FOXN3: variants seen among roughly 807,000 people sequenced by gnomAD.
FOXN3 encodes the protein forkhead box N3.
Under a neutral mutation model 38.4 loss-of-function variants are expected in FOXN3, and 7 were observed. The observed-to-expected ratio is 0.18, with a 90% CI of 0.10 to 0.34. FOXN3 has a LOEUF of 0.34. FOXN3 is among the 10% of genes least tolerant of loss of function. The probability of loss-of-function intolerance (pLI) is 1.00; values close to 1 mark genes in which losing one functional copy is unlikely to be tolerated. For synonymous variants in FOXN3, 230 were observed against 242.2 expected (o/e 0.95, Z 0.47); for missense variants, 456 against 613.4 (o/e 0.74, Z 2.71).
chr14:89,211,194 C>G (rs1243399501), intron 4 of FOXN3, among the ~76,000 whole-genome samples: 1 of 152,230 alleles, frequency 6.6e-6, no homozygotes, highest in Non-Finnish European at 1.5e-5. Context: ...CTGGAGGGAC[C>G]TGAGCCCAGA....
intron 1 of FOXN3, among the ~76,000 whole-genome samples, chr14:89,467,499 G>A (rs115228745): frequency 0.015 from 2,222 of 150,624 alleles, 61 homozygotes; most frequent in African/African-American, 0.048. Context: ...CCTAATCCCC[G>A]ACATAAACGG....
chr14:89,565,819 G>A (rs1379850261), intron 1 of FOXN3, among the ~76,000 whole-genome samples: 1 of 152,204 alleles, frequency 6.6e-6, no homozygotes, highest in African/African-American at 2.4e-5. Flanking sequence ...CTGGCCTGCA[G>A]CCCTCATGCC....
In FOXN3 at chr14:89,271,184, AT is replaced by A. The variant is rs561370720; in HGVS notation, c.745+9765del. 1.1e-3 allele frequency among the ~76,000 whole-genome samples: 168 copies of A among 152,358 alleles called. 1 individual carries two copies. Among genetic ancestry groups the A allele is most frequent in the Non-Finnish European group, 1.4e-3 (98 of 68,036 alleles). ...ACCCCTTGCAGTTTATAGGTGGATG[AT>A]TTTAAGTCCACGTCTGAAACTGTCA... On this transcript the variant is annotated intron_variant, in intron 4 of 5. Coordinates refer to ENST00000557258, the MANE Select transcript of FOXN3 (RefSeq NM_005197.4).
intron 1 of FOXN3, among the ~76,000 whole-genome samples, chr14:89,600,902 T>C (rs1896141037): frequency 6.6e-6 from 1 of 152,234 alleles, no homozygotes; most frequent in African/African-American, 2.4e-5. Context: ...CATATTCCCT[T>C]TTCTATTTTA....
chr14:89,246,698 C>T (rs1202455089), intron 4 of FOXN3, among the ~76,000 whole-genome samples: 1 of 151,986 alleles, frequency 6.6e-6, no homozygotes, highest in African/African-American at 2.4e-5. Flanking sequence ...GCCACCACGC[C>T]TGGCTAATTT....
chr14:89,459,200 T>C (rs1892789255), intron 1 of FOXN3, among the ~76,000 whole-genome samples: 1 of 152,128 alleles, frequency 6.6e-6, no homozygotes, highest in Non-Finnish European at 1.5e-5. Context: ...AACAGGGCCA[T>C]TTTAAATGAC....
chr14:89,352,497 A>T (rs1264182183), intron 2 of FOXN3, among the ~76,000 whole-genome samples: 4 of 152,124 alleles, frequency 2.6e-5, no homozygotes, highest in Admixed American at 6.6e-5. Flanking sequence ...CAAACCACCA[A>T]ATCCTGTCAA....
chr14:89,204,060 C>CTT (rs1888310436), intron 4 of FOXN3, among the ~76,000 whole-genome samples: 1 of 47,932 alleles, frequency 2.1e-5, no homozygotes, highest in Non-Finnish European at 3.8e-5. Flanking sequence ...CTTACACACA[C>CTT]ACACACACAC....
chr14:89,173,682 A>G (rs962215751), intron 5 of FOXN3, among the ~76,000 whole-genome samples: 52 of 152,204 alleles, frequency 3.4e-4, no homozygotes, highest in Admixed American at 2.6e-3. Context: ...AAGACACAGT[A>G]TTATTCTAGT....
intron 1 of FOXN3, among the ~76,000 whole-genome samples, chr14:89,610,896 T>C (rs1197256274): frequency 6.6e-6 from 1 of 152,226 alleles, no homozygotes; most frequent in African/African-American, 2.4e-5. Context: ...ATTTCATACA[T>C]GTGAAATATG....
intron 2 of FOXN3, among the ~76,000 whole-genome samples, chr14:89,351,941 A>ATC (rs1328242838): frequency 8.5e-5 from 13 of 152,372 alleles, no homozygotes; most frequent in African/African-American, 3.1e-4. Context: ...TCTGTGTTTC[A>ATC]TCATCAGTTC....
chr14:89,219,572 C>A (rs574748636), intron 4 of FOXN3, among the ~76,000 whole-genome samples: 2 of 152,292 alleles, frequency 1.3e-5, no homozygotes, highest in Non-Finnish European at 2.9e-5. Context: ...ATGCAGTGGG[C>A]TGTCATCAAA....
chr14:89,180,953 T>TAG (rs1887655027), intron 4 of FOXN3, 147 bp from the exon 5 acceptor site: 1 of 467,322 alleles, frequency 2.1e-6, no homozygotes, highest in Non-Finnish European at 3.9e-6. Flanking sequence ...CACGTGCACA[T>TAG]ACACACACAC....
intron 1 of FOXN3, among the ~76,000 whole-genome samples, chr14:89,440,819 G>A (rs1892368642): frequency 6.6e-6 from 1 of 152,220 alleles, no homozygotes; most frequent in Non-Finnish European, 1.5e-5. Flanking sequence ...CTGCAAAGCA[G>A]TGCGTTCAAC....
chr14:89,402,580 A>C (rs914931349), intron 2 of FOXN3, among the ~76,000 whole-genome samples: 5 of 152,226 alleles, frequency 3.3e-5, no homozygotes, highest in Non-Finnish European at 7.3e-5. Context: ...ACCAAGCTCT[A>C]GCCAATAAGA....
intron 3 of FOXN3, among the ~76,000 whole-genome samples, chr14:89,310,610 C>T (rs1887509099): frequency 6.6e-6 from 1 of 152,144 alleles, no homozygotes; most frequent in South Asian, 2.1e-4. Context: ...GTCCATCATG[C>T]AAATGGAATT....
chr14:89,241,786 G>A (rs1192650669), intron 4 of FOXN3, among the ~76,000 whole-genome samples: 1 of 152,204 alleles, frequency 6.6e-6, no homozygotes, highest in African/African-American at 2.4e-5. Flanking sequence ...TGCCACTGGA[G>A]GCTAGATAAG....
chr14:89,470,388 A>G (rs1271121372), intron 1 of FOXN3, among the ~76,000 whole-genome samples: 1 of 151,978 alleles, frequency 6.6e-6, no homozygotes, highest in African/African-American at 2.4e-5. Context: ...CTCTAGAATC[A>G]TAAGAGCCTG....
chr14:89,594,077 G>A (rs1896009045), intron 1 of FOXN3, among the ~76,000 whole-genome samples: 1 of 152,234 alleles, frequency 6.6e-6, no homozygotes, highest in Non-Finnish European at 1.5e-5. Flanking sequence ...GTATTTGTGT[G>A]TGTGCACACA....
Sources: gnomAD v4.1 joint callset for allele counts (sites outside exome capture counted in the v4.1 genomes callset) on GRCh38, gnomAD v4.1.1 for gene constraint, MANE v1.5 for transcripts, NCBI Gene and HGNC (gene_info 2026-07-23, HGNC 2026-07-21) for gene names.